ADAMTS2: variants seen among roughly 807,000 people sequenced by gnomAD.
The protein encoded by ADAMTS2 is A disintegrin and metalloproteinase with thrombospondin motifs 2.
In ADAMTS2, 50 loss-of-function variants were observed where a neutral mutation model predicts 123.0. The observed-to-expected ratio is 0.41, with a 90% CI of 0.32 to 0.51. The LOEUF is 0.51. ADAMTS2 is among the 20% of genes least tolerant of loss of function. The probability of loss-of-function intolerance (pLI) is 0.35; values close to 1 mark genes in which losing one functional copy is unlikely to be tolerated. For synonymous variants in ADAMTS2, 678 were observed against 695.4 expected (o/e 0.98, Z 0.39); for missense variants, 1,494 against 1,705.2 (o/e 0.88, Z 2.18).
rs1253668170 is a variant in ADAMTS2 at position 179,228,874 on chromosome 5, C to T, written c.689-21159G>A. On this transcript the variant is annotated intron_variant, in intron 3 of 21. Coordinates refer to ENST00000251582, the MANE Select transcript of ADAMTS2 (RefSeq NM_014244.5). The surrounding 1 kb of genome is among the most constrained non-coding windows in gnomAD (Gnocchi z 5.2). Reference sequence around the variant, plus strand: ...AGGGAGCCGAAGCTCTGCCAGTCTGCACTGAAGTCTGTGGTGTGCGGTCAC... The same window carrying T: ...AGGGAGCCGAAGCTCTGCCAGTCTGTACTGAAGTCTGTGGTGTGCGGTCAC... Among the ~76,000 whole-genome samples, 1 of 152,230 alleles carries T rather than the reference C, an allele frequency of 6.6e-6. No homozygotes were observed. Among genetic ancestry groups the T allele is most frequent in the Non-Finnish European group, 1.5e-5 (1 of 68,032 alleles).
intron 5 of ADAMTS2, among the ~76,000 whole-genome samples, chr5:179,172,678 A>T (rs940315589): frequency 6.6e-6 from 1 of 152,244 alleles, no homozygotes; most frequent in Admixed American, 6.5e-5. Context: ...AGCCCACTGC[A>T]GAGATGACGT....
At chr5:179,171,529 G>C (rs1763814155) in intron 5 of ADAMTS2, among the ~76,000 whole-genome samples, 1 of 152,018 alleles carries the variant, frequency 6.6e-6, no homozygotes, top group Admixed American at 6.6e-5. Flanking sequence ...GAACCCCCCA[G>C]AGAAGGGCAC....
At position 179,111,042 on chromosome 5, in the gene ADAMTS2, C is replaced by G. The variant is rs967746224; in HGVS notation, c.*2825G>C. 6.6e-6 allele frequency: 1 copy of G among 152,178 alleles called. No individual in the cohort carries two copies. Among genetic ancestry groups the G allele is most frequent in the East Asian group, 1.9e-4 (1 of 5,198 alleles). The allele number at this position is 152,178 out of a possible 1,614,324, so 9.4% of individuals were successfully genotyped here. On this transcript the variant is annotated 3_prime_UTR_variant, in exon 22 of 22. Transcript: ENST00000251582. Reference sequence around the variant, plus strand: ...GAGGGAGTGGAATCATAAACTGCTTCATCTGCTAAGATGTTGCTATTGAGC... The same window carrying G: ...GAGGGAGTGGAATCATAAACTGCTTGATCTGCTAAGATGTTGCTATTGAGC...
intron 3 of ADAMTS2, among the ~76,000 whole-genome samples, chr5:179,259,067 C>A (rs1181760560): frequency 1.3e-5 from 2 of 152,178 alleles, no homozygotes; most frequent in Admixed American, 6.5e-5. Context: ...CCAGACCATG[C>A]CACCTGCTGC....
intron 2 of ADAMTS2, among the ~76,000 whole-genome samples, chr5:179,313,189 C>T (rs895600864): frequency 9.2e-5 from 14 of 152,140 alleles, no homozygotes; most frequent in South Asian, 2.1e-4. Context: ...GAAGAGGGGA[C>T]GCACACGCAT....
chr5:179,316,064 TCAAAGA>T (rs1279244772), intron 2 of ADAMTS2, among the ~76,000 whole-genome samples: 1 of 151,810 alleles, frequency 6.6e-6, no homozygotes, highest in Non-Finnish European at 1.5e-5. Flanking sequence ...CCTAAGAACA[TCAAAGA>T]CAAAGAGAAA....
chr5:179,143,147 A>C (rs558820450), intron 10 of ADAMTS2, among the ~76,000 whole-genome samples: 1 of 152,308 alleles, frequency 6.6e-6, no homozygotes, highest in South Asian at 2.1e-4. Flanking sequence ...AAAGAACTGA[A>C]TAGAGGCTGA....
intron 3 of ADAMTS2, among the ~76,000 whole-genome samples, chr5:179,219,143 C>T (rs1490286656): frequency 6.6e-6 from 1 of 152,174 alleles, no homozygotes; most frequent in African/African-American, 2.4e-5. Flanking sequence ...TTGGTGTGCA[C>T]AGGAAGACTC....
chr5:179,186,234 T>C (rs1764167216), intron 4 of ADAMTS2, among the ~76,000 whole-genome samples: 2 of 152,124 alleles, frequency 1.3e-5, no homozygotes, highest in Admixed American at 6.5e-5. Flanking sequence ...AGGAACCCCA[T>C]GGGGCACTGT....
intron 17 of ADAMTS2, among the ~76,000 whole-genome samples, chr5:179,127,684 T>C (rs1158842477): frequency 2.6e-5 from 4 of 152,084 alleles, no homozygotes; most frequent in Admixed American, 6.6e-5. Flanking sequence ...AACCTCTTGC[T>C]AGGCCAGCCT....
At chr5:179,209,160 C>T (rs897618081) in intron 3 of ADAMTS2, among the ~76,000 whole-genome samples, 7 of 152,322 alleles carry the variant, frequency 4.6e-5, no homozygotes, top group South Asian at 2.1e-4. Context: ...TCCCGGCACA[C>T]GCTTCCTCAC....
At chr5:179,315,034 A>C (rs384391) in intron 2 of ADAMTS2, among the ~76,000 whole-genome samples, 55 of 130,848 alleles carry the variant, frequency 4.2e-4, no homozygotes, top group Non-Finnish European at 5.0e-4. Flanking sequence ...GGATTCCTAC[A>C]CCCACCCCCC....
intron 2 of ADAMTS2, among the ~76,000 whole-genome samples, chr5:179,335,253 ATTTTATTTAACC>A (rs749571719): frequency 9.9e-5 from 15 of 152,170 alleles, no homozygotes; most frequent in Non-Finnish European, 2.2e-4. Flanking sequence ...TCAGAAATAT[ATTTTATTTAACC>A]CAGTATGCCC....
intron 2 of ADAMTS2, among the ~76,000 whole-genome samples, chr5:179,296,333 C>T (rs1004694784): frequency 4.6e-5 from 7 of 151,428 alleles, no homozygotes; most frequent in South Asian, 2.1e-4. Flanking sequence ...TGTCTGTGCT[C>T]GGAGGAGGGG....
At position 179,314,282 on chromosome 5, in the gene ADAMTS2, C is replaced by G. The variant is rs959542238; in HGVS notation, c.534+29485G>C. Among the ~76,000 whole-genome samples, 1 of 152,204 alleles carries G rather than the reference C, an allele frequency of 6.6e-6. No homozygotes were observed. Among genetic ancestry groups the G allele is most frequent in the Non-Finnish European group, 1.5e-5 (1 of 68,024 alleles). Reference sequence around the variant, plus strand: ...TGCTCAGCTCGGGGGAAGCACCTCTCGCCAGCCATCTGGGGCTTGGCTGGG... The same window carrying G: ...TGCTCAGCTCGGGGGAAGCACCTCTGGCCAGCCATCTGGGGCTTGGCTGGG... On this transcript the variant is annotated intron_variant, in intron 2 of 21. Coordinates refer to ENST00000251582, the MANE Select transcript of ADAMTS2 (RefSeq NM_014244.5). The surrounding 1 kb of genome is among the most constrained non-coding windows in gnomAD (Gnocchi z 4.5).
rs1435216519 is a variant in ADAMTS2, at chr5:179,345,182, G to A, written c.139+8C>T. 2.7e-6 allele frequency: 3 copies of A among 1,103,818 alleles called. No individual in the cohort carries two copies. The highest frequency in any genetic ancestry group is 5.9e-5 in the East Asian group (1 of 16,850). The allele number at this position is 1,103,818 out of a possible 1,614,324, so 68.4% of individuals were successfully genotyped here. ...GGTCCCGGGGAGTAGGGGCCGGGCC[G>A]CACCTACCTGGGGGGTCGGCGGCGG... On this transcript the variant is annotated splice_region_variant and intron_variant, in intron 1 of 21. Coordinates refer to ENST00000251582, the MANE Select transcript of ADAMTS2 (RefSeq NM_014244.5). This position sits in a 1 kb window ranked among gnomAD's most constrained non-coding sequence, Gnocchi z 7.5.
At chr5:179,131,529 G>A (rs1346001200) in intron 15 of ADAMTS2, among the ~76,000 whole-genome samples, 1 of 152,076 alleles carries the variant, frequency 6.6e-6, no homozygotes, top group Non-Finnish European at 1.5e-5. Context: ...CTCAGATTGG[G>A]GAAGGGACTT....
intron 4 of ADAMTS2, among the ~76,000 whole-genome samples, chr5:179,205,787 T>TTATTATTA (rs758652100): frequency 0.24 from 23,430 of 96,348 alleles, 2,285 homozygotes; most frequent in East Asian, 0.47. Context: ...TATTATTATT[T>TTATTATTA]TTGAGACGGA....
intron 2 of ADAMTS2, among the ~76,000 whole-genome samples, chr5:179,309,885 G>C (rs1397274245): frequency 6.6e-6 from 1 of 152,134 alleles, no homozygotes; most frequent in African/African-American, 2.4e-5. Context: ...AAAACACCCT[G>C]GGTTTGCCTC....
Sources: allele counts gnomAD v4.1 joint callset (sites outside exome capture counted in the v4.1 genomes callset), GRCh38; gene constraint gnomAD v4.1.1; non-coding constraint Gnocchi (gnomAD v3.1); transcripts MANE v1.5; gene names NCBI Gene and HGNC (gene_info 2026-07-23, HGNC 2026-07-21).